The following SNTG1 variants were observed in gnomAD, a reference collection of about 807,000 sequenced individuals.
SNTG1 encodes the protein gamma-1-syntrophin.
A neutral mutation model predicts 74.7 loss-of-function variants in SNTG1; 39 were observed. That is an observed-to-expected ratio of 0.52 (90% CI 0.40 to 0.68). SNTG1 has a LOEUF of 0.68. Among genes scored for constraint, SNTG1 ranks in the 30% least tolerant of loss-of-function variants. The probability of loss-of-function intolerance (pLI) is 0.00; values close to 1 mark genes in which losing one functional copy is unlikely to be tolerated. For synonymous variants in SNTG1, 254 were observed against 217.1 expected (o/e 1.17, Z -1.49); for missense variants, 685 against 609.5 (o/e 1.12, Z -1.30).
At chr8:50,400,982 T>C (rs745695038) in intron 3 of SNTG1, among the ~76,000 whole-genome samples, 11 of 152,138 alleles carry the variant, frequency 7.2e-5, no homozygotes, top group Non-Finnish European at 1.2e-4. Flanking sequence ...ATTATTAGTG[T>C]TTAAAGTGAT....
intron 15 of SNTG1, among the ~76,000 whole-genome samples, chr8:50,672,885 A>G (rs534758252): frequency 1.3e-5 from 2 of 152,294 alleles, no homozygotes; most frequent in South Asian, 2.1e-4. Flanking sequence ...GAAGTAGTCC[A>G]GTTTCACTTT....
Position 50,192,814 on chromosome 8 carries a change from G to A in SNTG1, c.-28+20179G>A, listed in dbSNP as rs139008015. 1.4e-3 allele frequency among the ~76,000 whole-genome samples: 219 copies of A among 152,108 alleles called. 1 individual carries two copies. Among genetic ancestry groups the A allele is most frequent in the African/African-American group, 5.0e-3 (207 of 41,486 alleles). On this transcript the variant is annotated intron_variant, in intron 2 of 18. Transcript: ENST00000642720. ...GGTTTAAGTCCTTAATCCATCTTGA[G>A]TTGATTTTTGTATAAGGTGAGAGAT... is the stretch of plus-strand genomic sequence containing the variant.
chr8:50,552,588 G>C (rs1326417640), intron 11 of SNTG1, among the ~76,000 whole-genome samples: 2 of 152,196 alleles, frequency 1.3e-5, no homozygotes, highest in African/African-American at 4.8e-5. Flanking sequence ...TGCCACTCAT[G>C]TTATCATCTA....
At chr8:50,470,384 G>T (rs966840280) in intron 8 of SNTG1, among the ~76,000 whole-genome samples, 1 of 152,136 alleles carries the variant, frequency 6.6e-6, no homozygotes, top group African/African-American at 2.4e-5. Context: ...AGACCCTCAC[G>T]GTGAGTGTTA....
chr8:50,091,424 T>C (rs1177301312), intron 1 of SNTG1, among the ~76,000 whole-genome samples: 1 of 152,086 alleles, frequency 6.6e-6, no homozygotes, highest in Non-Finnish European at 1.5e-5. Flanking sequence ...CATAACTTCA[T>C]TGAGAAACAT....
At chr8:50,346,275 T>A (rs545810497) in intron 2 of SNTG1, among the ~76,000 whole-genome samples, 30 of 152,346 alleles carry the variant, frequency 2.0e-4, no homozygotes, top group African/African-American at 7.0e-4. Flanking sequence ...TATTTCAAAC[T>A]ATTTCGTTAT....
At chr8:50,491,964 T>G (rs2093860213) in intron 8 of SNTG1, among the ~76,000 whole-genome samples, 1 of 136,420 alleles carries the variant, frequency 7.3e-6, no homozygotes, top group Non-Finnish European at 1.5e-5. Context: ...CAACTCCCAC[T>G]TATGGGTAAG....
At chr8:50,063,955 A>C (rs1294933249) in intron 1 of SNTG1, among the ~76,000 whole-genome samples, 6 of 152,214 alleles carry the variant, frequency 3.9e-5, no homozygotes, top group African/African-American at 1.4e-4. Context: ...AACTCTAGCC[A>C]GACTACTTGA....
chr8:50,032,493 G>A (rs561264480), intron 1 of SNTG1, among the ~76,000 whole-genome samples: 1 of 151,888 alleles, frequency 6.6e-6, no homozygotes, highest in African/African-American at 2.4e-5. Context: ...CTTTTTTTGT[G>A]GTTCTTTGGC....
chr8:50,290,277 T>C (rs1340000460), intron 2 of SNTG1, among the ~76,000 whole-genome samples: 2 of 152,208 alleles, frequency 1.3e-5, no homozygotes, highest in African/African-American at 4.8e-5. Flanking sequence ...CGTGAGTCAT[T>C]ACATTATTTC....
At chr8:50,330,759 ACTT>A (rs2090931287) in intron 2 of SNTG1, among the ~76,000 whole-genome samples, 1 of 152,150 alleles carries the variant, frequency 6.6e-6, no homozygotes, top group South Asian at 2.1e-4. Context: ...GGCACAGTAA[ACTT>A]CTTCACGAGG....
At chr8:50,028,031 T>C (rs1817414206) in intron 1 of SNTG1, among the ~76,000 whole-genome samples, 1 of 152,210 alleles carries the variant, frequency 6.6e-6, no homozygotes, top group African/African-American at 2.4e-5. Context: ...TGTGTAGTTC[T>C]ATGTCACATT....
intron 2 of SNTG1, among the ~76,000 whole-genome samples, chr8:50,234,529 T>C (rs1398775205): frequency 2.6e-5 from 4 of 152,010 alleles, no homozygotes; most frequent in Non-Finnish European, 4.4e-5. Context: ...TTTGTACCAA[T>C]GTCAATTTTC....
chr8:49,926,702 C>T (rs1807060767), intron 1 of SNTG1, among the ~76,000 whole-genome samples: 1 of 151,996 alleles, frequency 6.6e-6, no homozygotes, highest in African/African-American at 2.4e-5. Flanking sequence ...TTGGATGTAA[C>T]ATCAAAGGCA....
At chr8:50,400,146 C>A (rs975580354) in intron 3 of SNTG1, among the ~76,000 whole-genome samples, 1 of 152,130 alleles carries the variant, frequency 6.6e-6, no homozygotes, top group African/African-American at 2.4e-5. Flanking sequence ...GTAGCAGACT[C>A]CCAGCAATAG....
chr8:50,333,268 G>T (rs950599570), intron 2 of SNTG1, among the ~76,000 whole-genome samples: 3 of 152,164 alleles, frequency 2.0e-5, no homozygotes, highest in Non-Finnish European at 4.4e-5. Flanking sequence ...TCACAGGTTT[G>T]CCATAGAGAT....
rs182083971 is a variant in SNTG1, at chr8:50,533,397, G to A, written c.549+3138G>A. Among the ~76,000 whole-genome samples the A allele has an allele frequency of 2.8e-3, 423 of 152,204 alleles. 2 individuals are homozygous for A. The highest frequency in any genetic ancestry group is 9.6e-3 in the African/African-American group (399 of 41,512). On this transcript the variant is annotated intron_variant, in intron 10 of 18. Coordinates refer to ENST00000642720, the MANE Select transcript of SNTG1 (RefSeq NM_018967.5). ...TATTGTGTGGCATGTGTAAAATTTT[G>A]GGAAACAAGCAAGGAGACATAATTG...
intron 2 of SNTG1, among the ~76,000 whole-genome samples, chr8:50,284,389 C>G (rs1376847098): frequency 6.6e-6 from 1 of 151,950 alleles, no homozygotes; most frequent in Non-Finnish European, 1.5e-5. Flanking sequence ...GCAGACATAC[C>G]CTGAACATGC....
At chr8:50,709,209 A>G in intron 17 of SNTG1, 1 of 529,678 alleles carries the variant, frequency 1.9e-6, no homozygotes, top group East Asian at 2.9e-5. Context: ...ATTTATTTAT[A>G]AGTCTATCTA....
Sources: allele counts gnomAD v4.1 joint callset (sites outside exome capture counted in the v4.1 genomes callset), GRCh38; gene constraint gnomAD v4.1.1; transcripts MANE v1.5; gene names NCBI Gene and HGNC (gene_info 2026-07-23, HGNC 2026-07-21).